Variants in PRIM2 observed in about 807,000 individuals in gnomAD.
PRIM2 encodes DNA primase large subunit.
In PRIM2, 39 loss-of-function variants were observed where a neutral mutation model predicts 67.3. The ratio of observed to expected loss-of-function variants is 0.58; its 90% CI spans 0.45 to 0.76. The LOEUF is 0.76. Ranked by LOEUF, PRIM2 falls within the 30% of genes least tolerant of loss-of-function variation. The pLI is 0.00. For missense variants in PRIM2, 398 were observed against 598.7 expected (o/e 0.66, Z 3.50); for synonymous variants, 143 against 198.7 (o/e 0.72, Z 2.36).
intron 11 of PRIM2, among the ~76,000 whole-genome samples, chr6:57,601,522 T>C (rs1433044215): frequency 3.9e-5 from 6 of 152,226 alleles, no homozygotes; most frequent in Admixed American, 3.9e-4. Flanking sequence ...GTTCTGCGAG[T>C]GTCTTAGAGG....
chr6:57,559,393 T>G (rs1362063166), intron 10 of PRIM2, among the ~76,000 whole-genome samples: 1 of 152,090 alleles, frequency 6.6e-6, no homozygotes, highest in East Asian at 1.9e-4. Flanking sequence ...TTTTGCAGTC[T>G]TTTTTTGGCT....
chr6:57,341,848 C>G (rs551304366), intron 5 of PRIM2, among the ~76,000 whole-genome samples: 1 of 152,134 alleles, frequency 6.6e-6, no homozygotes, highest in Non-Finnish European at 1.5e-5. Context: ...TGGGCAGCCA[C>G]GGGGCCATCT....
chr6:57,629,033 A>C (rs1435135661), intron 12 of PRIM2, among the ~76,000 whole-genome samples: 1 of 152,072 alleles, frequency 6.6e-6, no homozygotes, highest in African/African-American at 2.4e-5. Context: ...TTTAGTTTGT[A>C]TTTCCTGCCT....
the PRIM2 span, among the ~76,000 whole-genome samples, chr6:57,248,776 C>G: frequency 6.6e-6 from 1 of 152,186 alleles, no homozygotes; most frequent in East Asian, 1.9e-4. Context: ...AGGGAGTAGC[C>G]TCTGATATCC....
intron 7 of PRIM2, among the ~76,000 whole-genome samples, chr6:57,404,125 C>A (rs1770807028): frequency 1.0e-5 from 1 of 99,866 alleles, no homozygotes; most frequent in Admixed American, 9.4e-5. Context: ...ACCAAGCAGG[C>A]CTCTTCATTT....
chr6:57,341,548 C>T (rs1348813943), intron 5 of PRIM2, among the ~76,000 whole-genome samples: 1 of 152,168 alleles, frequency 6.6e-6, no homozygotes, highest in African/African-American at 2.4e-5. Flanking sequence ...TGTTGATTAG[C>T]TTGTCCCCAG....
chr6:57,415,013 T>A (rs1243947522), intron 7 of PRIM2, among the ~76,000 whole-genome samples: 1 of 152,166 alleles, frequency 6.6e-6, no homozygotes, highest in African/African-American at 2.4e-5. Context: ...TTTCTACATA[T>A]GAGGTATAGA....
upstream of PRIM2, among the ~76,000 whole-genome samples, chr6:57,313,403 T>C (rs77426181): frequency 0.034 from 5,207 of 152,308 alleles, 293 homozygotes; most frequent in African/African-American, 0.12. Flanking sequence ...ATCCCCAGCA[T>C]AGAAAATGTT....
At chr6:57,402,223 A>G (rs1295074537) in intron 7 of PRIM2, among the ~76,000 whole-genome samples, 3 of 152,222 alleles carry the variant, frequency 2.0e-5, no homozygotes, top group Non-Finnish European at 4.4e-5. Context: ...GTGAAACAGC[A>G]AAGATGGTAG....
chr6:57,381,265 A>G (rs955830682), intron 6 of PRIM2, among the ~76,000 whole-genome samples: 2 of 152,348 alleles, frequency 1.3e-5, no homozygotes, highest in African/African-American at 2.4e-5. Flanking sequence ...AGAAAATTGT[A>G]TGCATTTATA....
chr6:57,303,835 A>G, the PRIM2 span, among the ~76,000 whole-genome samples: 4 of 152,282 alleles, frequency 2.6e-5, no homozygotes, highest in East Asian at 7.7e-4. Flanking sequence ...GGGTTTCACC[A>G]TGGTGGCCAG....
At chr6:57,545,130 T>G (rs1436201858) in intron 10 of PRIM2, among the ~76,000 whole-genome samples, 1 of 152,106 alleles carries the variant, frequency 6.6e-6, no homozygotes, top group African/African-American at 2.4e-5. Flanking sequence ...AAATATAGAT[T>G]CCCAGAATCA....
chr6:57,453,091 G>C (rs1178692688), intron 7 of PRIM2, among the ~76,000 whole-genome samples: 1 of 152,148 alleles, frequency 6.6e-6, no homozygotes, highest in African/African-American at 2.4e-5. Context: ...AGATGAGATG[G>C]TTGTAGATAT....
chr6:57,534,351 T>TA (rs1774955743), intron 9 of PRIM2, among the ~76,000 whole-genome samples: 1 of 152,164 alleles, frequency 6.6e-6, no homozygotes, highest in Non-Finnish European at 1.5e-5. Flanking sequence ...AACACCTAGC[T>TA]AATGGTCTTG....
In PRIM2 at chr6:57,630,341, G is replaced by A. The variant is rs1283569393; in HGVS notation, c.1231-1792G>A. Among the ~76,000 whole-genome samples, 824 of 152,172 alleles carry A rather than the reference G, an allele frequency of 5.4e-3. 6 individuals are homozygous for A. The highest frequency in any genetic ancestry group is 0.01 in the Middle Eastern group (3 of 294). ...TTTGTTAAGGAAGAGCCCTCTCTGC[G>A]AGTGGGGTCAGGTCAGGGGAAGATT... On this transcript the variant is annotated intron_variant, in intron 12 of 13. Transcript: ENST00000615550.
chr6:57,318,536 C>G lies in PRIM2; in HGVS notation c.91C>G (p.Gln31Glu), dbSNP rs1401265980. The G allele has an allele frequency of 6.3e-7, 1 of 1,598,974 alleles. No individual in the cohort carries two copies. The highest frequency in any genetic ancestry group is 2.2e-5 in the East Asian group (1 of 44,568). The part of the protein sequence containing the change: ...SYPHCLQFYL[Q>E]PPSENISLIE... ...CCCTCATTGCCTTCAGTTTTACTTG[C>G]AGCCACCTTCTGAAAACATATCTTT... Residue 31 changes from glutamine to glutamate, a missense_variant, in exon 2 of 14, where the codon CAG (glutamine) becomes GAG (glutamate). Physicochemically the swap from Gln to Glu is conservative, Grantham distance 29 (BLOSUM62 2). Coordinates refer to ENST00000615550, the MANE Select transcript of PRIM2 (RefSeq NM_000947.5).
intron 7 of PRIM2, among the ~76,000 whole-genome samples, chr6:57,400,296 G>T (rs2127354816): frequency 6.6e-6 from 1 of 152,310 alleles, no homozygotes; most frequent in South Asian, 2.1e-4. Flanking sequence ...AGGCAGGCTG[G>T]TGGTAATTAA....
the PRIM2 span, among the ~76,000 whole-genome samples, chr6:57,295,928 G>A: frequency 2.6e-4 from 39 of 152,318 alleles, no homozygotes; most frequent in African/African-American, 8.4e-4. Flanking sequence ...TAGAAGGGAT[G>A]AGGGGGGAAT....
At chr6:57,299,262 TTAAC>T in the PRIM2 span, among the ~76,000 whole-genome samples, 2 of 152,144 alleles carry the variant, frequency 1.3e-5, no homozygotes, top group African/African-American at 4.8e-5. Flanking sequence ...AAAAGTTTGA[TTAAC>T]TGATAGAATT....
Sources: gnomAD v4.1 joint callset for allele counts (sites outside exome capture counted in the v4.1 genomes callset) on GRCh38, gnomAD v4.1.1 for gene constraint, MANE v1.5 for transcripts, NCBI Gene and HGNC (gene_info 2026-07-23, HGNC 2026-07-21) for gene names.